Variants in L3MBTL4 observed in about 807,000 individuals in gnomAD.
The protein encoded by L3MBTL4 is L3MBTL histone methyl-lysine binding protein 4.
L3MBTL4 carries 70 observed loss-of-function variants against 84.5 expected under a neutral mutation model. That is an observed-to-expected ratio of 0.83 (90% CI 0.68 to 1.01). The LOEUF (loss-of-function observed/expected upper bound fraction) is 1.01, where lower values mean the gene tolerates loss of function less well. Ranked by LOEUF, L3MBTL4 falls within the 50% of genes least tolerant of loss-of-function variation. The pLI, the probability that L3MBTL4 is intolerant of heterozygous loss-of-function variation, is 0.00. For missense variants in L3MBTL4, 715 were observed against 754.8 expected, an observed-to-expected ratio of 0.95 and a Z score of 0.62; for synonymous variants, 274 against 259.8, an observed-to-expected ratio of 1.05 and a Z score of -0.52.
At chr18:6,153,242 T>C (rs1354045770) in intron 13 of L3MBTL4, among the ~76,000 whole-genome samples, 2 of 152,324 alleles carry the variant, frequency 1.3e-5, no homozygotes, top group Admixed American at 1.3e-4. Context: ...GACAGTTATT[T>C]CTATTTCTGT....
chr18:6,041,733 T>C (rs1334039941), intron 16 of L3MBTL4, among the ~76,000 whole-genome samples: 1 of 152,140 alleles, frequency 6.6e-6, no homozygotes, highest in African/African-American at 2.4e-5. Flanking sequence ...CATTCTTCTT[T>C]TATTTTTTTT....
chr18:6,222,688 A>G lies in L3MBTL4; in HGVS notation c.785-6853T>C, dbSNP rs1023596160. On this transcript the variant is annotated intron_variant, in intron 10 of 18. Coordinates refer to ENST00000317931, the MANE Select transcript of L3MBTL4 (RefSeq NM_001330559.2). Reference sequence around the variant, plus strand: ...TTACAGACCTAGCAATCCTCACGTTATATCTTTATTGTTCTTTATTACATC... The same window carrying G: ...TTACAGACCTAGCAATCCTCACGTTGTATCTTTATTGTTCTTTATTACATC... Among the ~76,000 whole-genome samples the G allele has an allele frequency of 2.6e-5, 4 of 152,082 alleles. 1 individual carries two copies. The highest frequency in any genetic ancestry group is 2.0e-4 in the Admixed American group (3 of 15,262).
intron 1 of L3MBTL4, among the ~76,000 whole-genome samples, chr18:6,327,374 T>C (rs929251950): frequency 6.6e-6 from 1 of 152,104 alleles, no homozygotes; most frequent in Admixed American, 6.5e-5. Context: ...CACCCATCAG[T>C]AGGAAAATGA....
intron 16 of L3MBTL4, among the ~76,000 whole-genome samples, chr18:6,075,948 G>T (rs2057843527): frequency 6.6e-6 from 1 of 152,146 alleles, no homozygotes; most frequent in Non-Finnish European, 1.5e-5. Flanking sequence ...AAATACCACT[G>T]TAAGCCCAAA....
chr18:6,311,466 A>T (rs1426403089), intron 3 of L3MBTL4, 88 bp downstream of exon 3: 1 of 1,055,700 alleles, frequency 9.5e-7, no homozygotes, highest in Non-Finnish European at 1.5e-6. Context: ...AAAGCCCCTG[A>T]GTGTGGTTAT....
intron 13 of L3MBTL4, among the ~76,000 whole-genome samples, chr18:6,154,858 G>A (rs1318604765): frequency 6.6e-6 from 1 of 152,068 alleles, no homozygotes; most frequent in Non-Finnish European, 1.5e-5. Context: ...TGATGAGAGG[G>A]ATTACATAAA....
At chr18:6,162,574 G>C (rs2043395617) in intron 13 of L3MBTL4, among the ~76,000 whole-genome samples, 1 of 152,144 alleles carries the variant, frequency 6.6e-6, no homozygotes, top group South Asian at 2.1e-4. Flanking sequence ...AGTGAGAAAA[G>C]TTTAGTTTGA....
At chr18:6,168,357 C>A (rs900489506) in intron 13 of L3MBTL4, among the ~76,000 whole-genome samples, 1 of 152,116 alleles carries the variant, frequency 6.6e-6, no homozygotes, top group Non-Finnish European at 1.5e-5. Context: ...CAAAAAAGAG[C>A]CCGCATTGCC....
At chr18:6,352,159 C>T (rs1811083546) in intron 1 of L3MBTL4, among the ~76,000 whole-genome samples, 1 of 152,182 alleles carries the variant, frequency 6.6e-6, no homozygotes, top group Non-Finnish European at 1.5e-5. Context: ...TGTGGTCACT[C>T]TCAGCATTCT....
At chr18:6,106,221 G>T (rs1337949615) in intron 14 of L3MBTL4, among the ~76,000 whole-genome samples, 1 of 152,084 alleles carries the variant, frequency 6.6e-6, no homozygotes, top group East Asian at 1.9e-4. Flanking sequence ...CTGCTTCTGG[G>T]GCTAGATTTT....
At chr18:6,301,316 T>C (rs1255711035) in intron 4 of L3MBTL4, among the ~76,000 whole-genome samples, 1 of 152,202 alleles carries the variant, frequency 6.6e-6, no homozygotes, top group Non-Finnish European at 1.5e-5. Context: ...GAAAATTTAG[T>C]AACAGCTGTC....
chr18:6,086,370 G>T (rs1203680193), intron 15 of L3MBTL4, among the ~76,000 whole-genome samples: 1 of 152,186 alleles, frequency 6.6e-6, no homozygotes, highest in Non-Finnish European at 1.5e-5. Flanking sequence ...GAAATCCAGA[G>T]ATTAAGAATA....
At chr18:6,316,959 G>A (rs545606366) in intron 1 of L3MBTL4, among the ~76,000 whole-genome samples, 1 of 152,124 alleles carries the variant, frequency 6.6e-6, no homozygotes, top group African/African-American at 2.4e-5. Flanking sequence ...CTGGCCTGAA[G>A]CTTTAACTAT....
chr18:6,393,613 G>A (rs2055148962), intron 1 of L3MBTL4, among the ~76,000 whole-genome samples: 1 of 152,134 alleles, frequency 6.6e-6, no homozygotes, highest in South Asian at 2.1e-4. Context: ...AAACACCTTG[G>A]AGCCATGGGG....
At chr18:6,261,443 C>T in intron 5 of L3MBTL4, among the ~76,000 whole-genome samples, 1 of 152,212 alleles carries the variant, frequency 6.6e-6, no homozygotes, top group East Asian at 1.9e-4. Context: ...AAGGGTGCAT[C>T]ACCTGCTCAC....
At chr18:6,265,333 G>A (rs2048584136) in intron 4 of L3MBTL4, among the ~76,000 whole-genome samples, 1 of 152,026 alleles carries the variant, frequency 6.6e-6, no homozygotes, top group African/African-American at 2.4e-5. Flanking sequence ...ACAAAAGCTG[G>A]CAAAAAGGAT....
chr18:6,243,027 A>G lies in L3MBTL4; in HGVS notation c.460+267T>C, dbSNP rs113390045. 1.5e-3 allele frequency among the ~76,000 whole-genome samples: 233 copies of G among 152,358 alleles called. 1 individual carries two copies. The highest frequency in any genetic ancestry group is 5.1e-3 in the African/African-American group (214 of 41,582). The stretch of plus-strand genomic sequence containing the variant: ...AGGTTTAATAAACTTTATATAAAAT[A>G]AAATAAAATGCTTTCATAATATTTT... On this transcript the variant is annotated intron_variant, in intron 7 of 18. Transcript: ENST00000317931.
intron 12 of L3MBTL4, among the ~76,000 whole-genome samples, chr18:6,207,273 CA>C: frequency 6.6e-6 from 1 of 152,244 alleles, no homozygotes; most frequent in Middle Eastern, 3.4e-3. Flanking sequence ...TGGCTCCTTA[CA>C]AAAAAGGCAC....
chr18:6,329,387 T>G (rs944595128), intron 1 of L3MBTL4, among the ~76,000 whole-genome samples: 4 of 151,908 alleles, frequency 2.6e-5, no homozygotes, highest in Non-Finnish European at 4.4e-5. Flanking sequence ...TCTCCTGACC[T>G]CACGATCCAC....
Sources: gnomAD v4.1 joint callset for allele counts (sites outside exome capture counted in the v4.1 genomes callset) on GRCh38, gnomAD v4.1.1 for gene constraint, MANE v1.5 for transcripts, NCBI Gene and HGNC (gene_info 2026-07-23, HGNC 2026-07-21) for gene names.